The following RALB variants were observed in gnomAD, a reference collection of about 807,000 sequenced individuals.
The protein encoded by RALB is RAS like proto-oncogene B, also known as ras-related protein Ral-B.
In RALB, 16 loss-of-function variants were observed where a neutral mutation model predicts 21.3. The ratio of observed to expected loss-of-function variants is 0.75; its 90% CI spans 0.51 to 1.14. The LOEUF (loss-of-function observed/expected upper bound fraction) is 1.14. RALB is among the 50% of genes most tolerant of loss of function. The probability of loss-of-function intolerance (pLI) is 0.00; values close to 1 mark genes in which losing one functional copy is unlikely to be tolerated. For missense variants in RALB, 161 were observed against 256.2 expected, an observed-to-expected ratio of 0.63 and a Z score of 2.54; for synonymous variants, 93 against 96.1, an observed-to-expected ratio of 0.97 and a Z score of 0.19.
chr2:120,240,220 G>C, intron 1 of RALB: 4 of 1,213,384 alleles, frequency 3.3e-6, no homozygotes, highest in Non-Finnish European at 4.3e-6. Context: ...AGGAAGCTCA[G>C]AGAGGTAAAC....
upstream of RALB, among the ~76,000 whole-genome samples, chr2:120,248,089 G>A (rs1689000073): frequency 1.3e-5 from 2 of 152,324 alleles, no homozygotes; most frequent in Admixed American, 6.5e-5. Flanking sequence ...TGAGAGAAGG[G>A]CCGAGGGCAA....
At chr2:120,283,318 T>G (rs1690043519) in intron 2 of RALB, among the ~76,000 whole-genome samples, 1 of 152,192 alleles carries the variant, frequency 6.6e-6, no homozygotes, top group East Asian at 1.9e-4. Context: ...TCGTTAGTGT[T>G]AGTGTATTTT....
Position 120,269,417 on chromosome 2 carries a change from G to C in RALB, c.-47-9201G>C, listed in dbSNP as rs111965943. ...CACAGCGTGGAAGGTGACCTGAGCA[G>C]GTTGCTGCTGCTGGCTGGGGTGGCC... On this transcript the variant is annotated intron_variant, in intron 1 of 4. Coordinates refer to ENST00000272519, the MANE Select transcript of RALB (RefSeq NM_002881.3). 2.7e-3 allele frequency among the ~76,000 whole-genome samples: 415 copies of C among 152,294 alleles called. 5 individuals are homozygous for C. Among genetic ancestry groups the C allele is most frequent in the African/African-American group, 9.5e-3 (396 of 41,556 alleles).
At chr2:120,257,376 G>T (rs1689225131) in intron 1 of RALB, among the ~76,000 whole-genome samples, 1 of 152,138 alleles carries the variant, frequency 6.6e-6, no homozygotes, top group Non-Finnish European at 1.5e-5. Flanking sequence ...TGGATAGAAG[G>T]GCGCTATTCT....
At chr2:120,261,976 G>A (rs1689377137) in intron 1 of RALB, among the ~76,000 whole-genome samples, 1 of 152,152 alleles carries the variant, frequency 6.6e-6, no homozygotes, top group South Asian at 2.1e-4. Flanking sequence ...AGGAAAGAAA[G>A]GGTTTTCGGA....
Position 120,255,444 on chromosome 2 carries a change from A to G in RALB, c.-48+2464A>G, listed in dbSNP as rs768875011. 4.6e-5 allele frequency among the ~76,000 whole-genome samples: 7 copies of G among 152,310 alleles called. 1 individual carries two copies. The highest frequency in any genetic ancestry group is 1.7e-4 in the African/African-American group (7 of 41,568). On this transcript the variant is annotated intron_variant, in intron 1 of 4. Coordinates refer to ENST00000272519, the MANE Select transcript of RALB (RefSeq NM_002881.3). ...ACAGACCACTGATCCAAGCCATACC[A>G]GTTAAATATGTGGCCTTGGAGATTT...
At chr2:120,272,134 G>T (rs1361723387) in intron 1 of RALB, among the ~76,000 whole-genome samples, 1 of 152,142 alleles carries the variant, frequency 6.6e-6, no homozygotes, top group Non-Finnish European at 1.5e-5. Flanking sequence ...CTCCCTTCCT[G>T]CCTTATAAGA....
intron 2 of RALB, among the ~76,000 whole-genome samples, chr2:120,280,303 C>G (rs565470709): frequency 1.3e-5 from 2 of 152,178 alleles, no homozygotes; most frequent in African/African-American, 4.8e-5. Flanking sequence ...TGGAACCAAC[C>G]CAAATGCCCA....
At chr2:120,284,403 A>G (rs1418851612) in intron 2 of RALB, among the ~76,000 whole-genome samples, 2 of 149,838 alleles carry the variant, frequency 1.3e-5, no homozygotes, top group Non-Finnish European at 3.0e-5. Context: ...AAAGTGTACA[A>G]TTTTTTTTTT....
intron 1 of RALB, among the ~76,000 whole-genome samples, chr2:120,258,900 G>A (rs111434813): frequency 1.5e-3 from 235 of 152,148 alleles, no homozygotes; most frequent in Middle Eastern, 0.01. Flanking sequence ...AAGGTGGCAC[G>A]TCTGGAGTCT....
intron 2 of RALB, among the ~76,000 whole-genome samples, chr2:120,282,529 TG>T (rs1238120675): frequency 1.9e-5 from 2 of 106,936 alleles, no homozygotes; most frequent in Non-Finnish European, 3.5e-5. Flanking sequence ...TAGGAGAGCC[TG>T]GTCTGGAGGT....
At chr2:120,279,016 C>T (rs1689917991) in intron 2 of RALB, among the ~76,000 whole-genome samples, 1 of 152,170 alleles carries the variant, frequency 6.6e-6, no homozygotes. Context: ...TGCATCGTTT[C>T]CATTGTTATA....
intron 3 of RALB, 112 bp from the exon 4 acceptor site, chr2:120,289,468 A>AT (rs377621907): frequency 0.022 from 18,404 of 845,244 alleles, no homozygotes; most frequent in Middle Eastern, 0.025. Context: ...AAATCTAGTG[A>AT]TTTTTTTTTT....
At chr2:120,245,567 C>G (rs910837211) in intron 1 of RALB, among the ~76,000 whole-genome samples, 1 of 152,204 alleles carries the variant, frequency 6.6e-6, no homozygotes, top group Non-Finnish European at 1.5e-5. Flanking sequence ...GGAATCGGAC[C>G]TCCTGCTAGT....
At chr2:120,259,890 T>C (rs1689313411) in intron 1 of RALB, among the ~76,000 whole-genome samples, 1 of 152,194 alleles carries the variant, frequency 6.6e-6, no homozygotes, top group Admixed American at 6.5e-5. Flanking sequence ...TCCCAAGCCC[T>C]GCCCCGTGGG....
rs965093804 is a variant in RALB, at chr2:120,293,464, G to A, written c.*204G>A. 2.7e-4 allele frequency: 103 copies of A among 376,484 alleles called. No individual in the cohort carries two copies. Among genetic ancestry groups the A allele is most frequent in the Non-Finnish European group, 2.5e-4 (56 of 224,268 alleles). The allele number at this position is 376,484 out of a possible 1,614,324, so 23.3% of individuals were successfully genotyped here. A position where few individuals can be genotyped will look rare whatever the true frequency, so the allele number is the denominator to read the frequency against. On this transcript the variant is annotated 3_prime_UTR_variant, in exon 5 of 5. Coordinates refer to ENST00000272519, the MANE Select transcript of RALB (RefSeq NM_002881.3). ...TGCAAGTGGAAGGGCTGCTTTGTCA[G>A]GAGGTTGTGGAATTTCTTTCTTCTC...
At chr2:120,268,067 G>A (rs1231578194) in intron 1 of RALB, among the ~76,000 whole-genome samples, 1 of 152,200 alleles carries the variant, frequency 6.6e-6, no homozygotes, top group Non-Finnish European at 1.5e-5. Flanking sequence ...TGGGATTACA[G>A]GCATGAGCCA....
intron 1 of RALB, chr2:120,253,380 T>A: frequency 1.0e-6 from 1 of 985,316 alleles, no homozygotes; most frequent in Non-Finnish European, 1.2e-6. Flanking sequence ...TGCAAAAACT[T>A]AACTGCCCTC....
chr2:120,278,148 CGTGTTGTGAGT>C (rs1207928504), intron 1 of RALB, among the ~76,000 whole-genome samples: 1 of 151,564 alleles, frequency 6.6e-6, no homozygotes, highest in African/African-American at 2.4e-5. Context: ...CGTGTGTGAG[CGTGTTGTGAGT>C]GTGTGCGTGT....
Sources: gnomAD v4.1 joint callset for allele counts (sites outside exome capture counted in the v4.1 genomes callset) on GRCh38, gnomAD v4.1.1 for gene constraint, MANE v1.5 for transcripts, NCBI Gene and HGNC (gene_info 2026-07-23, HGNC 2026-07-21) for gene names.